The following ARHGAP10 variants were observed in gnomAD, a reference collection of about 807,000 sequenced individuals.
ARHGAP10 encodes rho GTPase-activating protein 10.
ARHGAP10 carries 87 observed loss-of-function variants against 108.6 expected under a neutral mutation model. The ratio of observed to expected loss-of-function variants is 0.80; its 90% confidence interval spans 0.67 to 0.96. The LOEUF (loss-of-function observed/expected upper bound fraction) is 0.96, where lower values mean the gene tolerates loss of function less well. ARHGAP10 is among the 40% of genes least tolerant of loss of function. The probability of loss-of-function intolerance (pLI) is 0.00; values close to 1 mark genes in which losing one functional copy is unlikely to be tolerated. For missense variants in ARHGAP10, 939 were observed against 954.5 expected (o/e 0.98, Z 0.21); for synonymous variants, 347 against 341.1 (o/e 1.02, Z -0.19).
chr4:147,896,248 C>A (rs1320713948), intron 10 of ARHGAP10, among the ~76,000 whole-genome samples: 2 of 152,034 alleles, frequency 1.3e-5, no homozygotes, highest in African/African-American at 4.8e-5. Flanking sequence ...GTTTTCCCTT[C>A]TTCACTGTTT....
chr4:147,788,404 G>A (rs756193979), intron 1 of ARHGAP10, among the ~76,000 whole-genome samples: 2 of 152,138 alleles, frequency 1.3e-5, no homozygotes, highest in Non-Finnish European at 2.9e-5. Context: ...CTGAGATCAC[G>A]CCATTGCACT....
rs557162896 is a variant in ARHGAP10, at chr4:148,003,140, C to G, written c.1717-20123C>G. The stretch of plus-strand genomic sequence containing the variant: ...TCGTTGTTCTCATTGGTTTCAAAGA[C>G]CATGTTTATTTCTGCCTTCATTTCG... On this transcript the variant is annotated intron_variant, in intron 18 of 22. Coordinates refer to ENST00000336498, the MANE Select transcript of ARHGAP10 (RefSeq NM_024605.4). Among the ~76,000 whole-genome samples, 5 of 152,224 alleles carry G rather than the reference C, an allele frequency of 3.3e-5. No individual in the cohort carries two copies. In the South Asian group the frequency reaches 1.0e-3, roughly 32 times the overall value.
At chr4:147,782,918 A>AT (rs1730597651) in intron 1 of ARHGAP10, among the ~76,000 whole-genome samples, 1 of 143,094 alleles carries the variant, frequency 7.0e-6, no homozygotes, top group African/African-American at 2.5e-5. Flanking sequence ...ATAATATATA[A>AT]ATTATATAAT....
At chr4:147,981,206 G>A (rs987256635) in intron 18 of ARHGAP10, among the ~76,000 whole-genome samples, 3 of 152,082 alleles carry the variant, frequency 2.0e-5, no homozygotes, top group Non-Finnish European at 4.4e-5. Context: ...TGCAGTAAAC[G>A]TTCCTCTTAA....
chr4:148,040,814 TG>T (rs548288482), intron 19 of ARHGAP10, among the ~76,000 whole-genome samples: 9 of 151,712 alleles, frequency 5.9e-5, no homozygotes, highest in Admixed American at 3.9e-4. Flanking sequence ...AAAAAAGATT[TG>T]GGGGGGGTTA....
intron 10 of ARHGAP10, 142 bp from the exon 11 acceptor site, chr4:147,906,492 AAAAT>A: frequency 1.4e-6 from 1 of 698,432 alleles, no homozygotes; most frequent in Non-Finnish European, 2.4e-6. Context: ...TCTACACTTA[AAAAT>A]CGTTAAGATG....
chr4:147,760,283 G>A (rs764211417), intron 1 of ARHGAP10, among the ~76,000 whole-genome samples: 18 of 152,222 alleles, frequency 1.2e-4, no homozygotes, highest in Non-Finnish European at 1.9e-4. Flanking sequence ...CACAATAACT[G>A]AAGGAGGTAA....
At chr4:147,983,778 G>A (rs1244045498) in intron 18 of ARHGAP10, among the ~76,000 whole-genome samples, 1 of 151,536 alleles carries the variant, frequency 6.6e-6, no homozygotes, top group East Asian at 2.0e-4. Flanking sequence ...TCCATATCCT[G>A]GATTCTTTAT....
intron 3 of ARHGAP10, among the ~76,000 whole-genome samples, chr4:147,843,165 A>G (rs992729180): frequency 6.6e-6 from 1 of 152,204 alleles, no homozygotes; most frequent in African/African-American, 2.4e-5. Context: ...CTCGTATGAC[A>G]GGCCAACCCT....
intron 18 of ARHGAP10, among the ~76,000 whole-genome samples, chr4:148,018,147 G>A (rs1479990260): frequency 6.6e-6 from 1 of 152,152 alleles, no homozygotes. Context: ...CGTAGGTGCT[G>A]TGAAGAAATT....
At chr4:148,037,791 C>T (rs569235000) in intron 19 of ARHGAP10, among the ~76,000 whole-genome samples, 3 of 150,918 alleles carry the variant, frequency 2.0e-5, no homozygotes, top group Admixed American at 1.3e-4. Flanking sequence ...GCCAAGATCA[C>T]GCCACTGCTC....
At chr4:147,962,037 A>T (rs534185403) in intron 16 of ARHGAP10, among the ~76,000 whole-genome samples, 47 of 152,306 alleles carry the variant, frequency 3.1e-4, no homozygotes, top group African/African-American at 9.9e-4. Context: ...CACCTCCTGG[A>T]GAACATTTCT....
chr4:147,803,702 G>A (rs1286818781), intron 1 of ARHGAP10, among the ~76,000 whole-genome samples: 1 of 152,176 alleles, frequency 6.6e-6, no homozygotes, highest in Non-Finnish European at 1.5e-5. Flanking sequence ...TCTGTGTGTG[G>A]CTTGTTTTAC....
chr4:147,820,607 T>A, intron 1 of ARHGAP10, among the ~76,000 whole-genome samples: 1 of 77,222 alleles, frequency 1.3e-5, no homozygotes, highest in South Asian at 4.9e-4. Context: ...TTTTTTTTTT[T>A]TTTGAGACAG....
rs149568943 is a variant in ARHGAP10 at position 147,948,027 on chromosome 4, G to A, written c.1391+1323G>A. 1.7e-3 allele frequency among the ~76,000 whole-genome samples: 256 copies of A among 147,996 alleles called. 2 individuals are homozygous for A. Among genetic ancestry groups the A allele is most frequent in the Non-Finnish European group, 1.3e-3 (87 of 67,450 alleles). Reference sequence around the variant, plus strand: ...ACAATCTTGGCTCACTGCAACCTCCGCCTCCCGGGTTCCAGCAATTCTCCT... The same window carrying A: ...ACAATCTTGGCTCACTGCAACCTCCACCTCCCGGGTTCCAGCAATTCTCCT... On this transcript the variant is annotated intron_variant, in intron 15 of 22. Coordinates refer to ENST00000336498, the MANE Select transcript of ARHGAP10 (RefSeq NM_024605.4).
rs904047794 is a variant in ARHGAP10, at chr4:147,771,506, G to T, written c.154+39051G>T. Among the ~76,000 whole-genome samples, 4 of 120,896 alleles carry T rather than the reference G, an allele frequency of 3.3e-5. No homozygotes were observed. The Admixed American group carries it at 3.6e-4, about 11-fold the overall frequency. 79.3% of individuals were successfully genotyped at this position (120,896 alleles called of 152,430 possible). On this transcript the variant is annotated intron_variant, in intron 1 of 22. Transcript: ENST00000336498. ...TATTTTAAAATGTATGATTATTTTT[G>T]ACTATAGTCACCCTGTTGTGCCAGC...
intron 19 of ARHGAP10, among the ~76,000 whole-genome samples, chr4:148,031,325 C>T (rs1728140367): frequency 6.6e-6 from 1 of 152,100 alleles, no homozygotes; most frequent in South Asian, 2.1e-4. Context: ...TATGTATTAG[C>T]ATATTATATA....
intron 4 of ARHGAP10, among the ~76,000 whole-genome samples, chr4:147,848,741 A>G (rs544730019): frequency 7.9e-5 from 12 of 152,358 alleles, no homozygotes; most frequent in African/African-American, 2.9e-4. Context: ...TTTACTTGCC[A>G]TCTATTCTAC....
At chr4:147,980,064 A>C (rs1578754741) in intron 18 of ARHGAP10, among the ~76,000 whole-genome samples, 1 of 152,230 alleles carries the variant, frequency 6.6e-6, no homozygotes. Flanking sequence ...TAGGACTTCT[A>C]GTATGTTGAA....
Sources: gnomAD v4.1 joint callset for allele counts (sites outside exome capture counted in the v4.1 genomes callset) on GRCh38, gnomAD v4.1.1 for gene constraint, MANE v1.5 for transcripts, NCBI Gene and HGNC (gene_info 2026-07-23, HGNC 2026-07-21) for gene names.